The following CRY1 variants were observed in gnomAD, a reference collection of about 807,000 sequenced individuals.
The protein encoded by CRY1 is cryptochrome circadian regulator 1, also known as cryptochrome-1.
CRY1 carries 45 observed loss-of-function variants against 76.0 expected under a neutral mutation model. That is an observed-to-expected ratio of 0.59 (90% CI 0.47 to 0.76). The LOEUF (loss-of-function observed/expected upper bound fraction) is 0.76. Ranked by LOEUF, CRY1 falls within the 30% of genes least tolerant of loss-of-function variation. CRY1 has a pLI of 0.00. For synonymous variants in CRY1, 248 were observed against 244.0 expected (o/e 1.02, Z -0.15); for missense variants, 587 against 716.4 (o/e 0.82, Z 2.06).
chr12:107,047,584 TAAG>T (rs1013028777), intron 1 of CRY1, among the ~76,000 whole-genome samples: 30 of 152,264 alleles, frequency 2.0e-4, no homozygotes, highest in African/African-American at 6.7e-4. Context: ...GATGATTTTA[TAAG>T]AAGCTTCCCC....
Position 106,997,934 on chromosome 12 carries a change from G to C in CRY1, c.1270C>G (p.Pro424Ala). 6.2e-7 allele frequency: 1 copy of C among 1,613,960 alleles called. No individual in the cohort carries two copies. The highest frequency in any genetic ancestry group is 8.5e-7 in the Non-Finnish European group (1 of 1,179,946). The change falls in exon 8 of 13, where the codon CCC (proline) becomes GCC (alanine). Residue 424 changes from proline to alanine, a missense_variant. Transcript: ENST00000008527. ...ATTTACCTGATATAGTCTCCATTGG[G>C]ATCTGTTCTCCTACCAAAACCAACA... ...CPVGFGRRTD[P>A]NGDYIRRYLP...
chr12:107,045,817 G>A (rs1003128011), intron 1 of CRY1, among the ~76,000 whole-genome samples: 18 of 152,038 alleles, frequency 1.2e-4, no homozygotes, highest in African/African-American at 4.3e-4. Flanking sequence ...TGTGGGGTGC[G>A]GGGAGCGGGG....
intron 7 of CRY1, among the ~76,000 whole-genome samples, chr12:106,998,659 A>AACACACACAC (rs10522970): frequency 0.021 from 2,973 of 143,382 alleles, 71 homozygotes; most frequent in African/African-American, 0.057. Context: ...TAAGAGATTA[A>AACACACACAC]ACACACACAC....
chr12:107,024,678 C>T (rs1244405258), intron 1 of CRY1, among the ~76,000 whole-genome samples: 1 of 152,066 alleles, frequency 6.6e-6, no homozygotes, highest in Admixed American at 6.5e-5. Context: ...CAGGCCTGGC[C>T]TTAATAAACA....
chr12:107,017,027 G>C (rs1952503976), intron 2 of CRY1, among the ~76,000 whole-genome samples: 1 of 152,108 alleles, frequency 6.6e-6, no homozygotes, highest in South Asian at 2.1e-4. Context: ...TGATCTTTCT[G>C]CTTCTGCCTC....
chr12:107,037,962 G>C lies in CRY1; in HGVS notation c.159-15770C>G, dbSNP rs143980735. Among the ~76,000 whole-genome samples, 302 of 152,214 alleles carry C rather than the reference G, an allele frequency of 2.0e-3. 1 individual carries two copies. Among genetic ancestry groups the C allele is most frequent in the African/African-American group, 6.6e-3 (276 of 41,556 alleles). ...AATCTCAAGCAATCCTTCTGCTTTG[G>C]CCTCCCAAAGCATTAGGATTACAGG... On this transcript the variant is annotated intron_variant, in intron 1 of 12. Transcript: ENST00000008527.
At chr12:107,050,868 G>A (rs1952910635) in intron 1 of CRY1, among the ~76,000 whole-genome samples, 1 of 151,842 alleles carries the variant, frequency 6.6e-6, no homozygotes, top group East Asian at 1.9e-4. Context: ...AGAAGGAGGG[G>A]GCAGCATGAA....
intron 1 of CRY1, among the ~76,000 whole-genome samples, chr12:107,056,601 C>T (rs1236201703): frequency 6.6e-6 from 1 of 151,458 alleles, no homozygotes. Context: ...TTAAGCTCAT[C>T]AGCTATCATT....
intron 2 of CRY1, among the ~76,000 whole-genome samples, chr12:107,019,943 C>G (rs905901299): frequency 6.6e-6 from 1 of 151,992 alleles, no homozygotes; most frequent in African/African-American, 2.4e-5. Context: ...AAAAAAAAGG[C>G]AACTCCACTT....
At chr12:107,075,542 C>T (rs899175320) in intron 1 of CRY1, among the ~76,000 whole-genome samples, 3 of 152,090 alleles carry the variant, frequency 2.0e-5, no homozygotes, top group Admixed American at 6.6e-5. Flanking sequence ...TATCAGTCTG[C>T]GGGTGTAATT....
intron 1 of CRY1, among the ~76,000 whole-genome samples, chr12:107,072,008 A>G (rs1344917834): frequency 6.6e-6 from 1 of 152,192 alleles, no homozygotes; most frequent in Non-Finnish European, 1.5e-5. Flanking sequence ...TACAAACAAA[A>G]AAAAGCATTG....
At chr12:107,015,888 G>A (rs146807540) in intron 2 of CRY1, among the ~76,000 whole-genome samples, 62 of 152,270 alleles carry the variant, frequency 4.1e-4, no homozygotes, top group African/African-American at 1.4e-3. Context: ...GTCTCACTAT[G>A]TTGCCCAGGC....
intron 1 of CRY1, among the ~76,000 whole-genome samples, chr12:107,064,443 C>G (rs1169681920): frequency 2.0e-5 from 3 of 152,064 alleles, no homozygotes; most frequent in Admixed American, 6.5e-5. Flanking sequence ...CTGACAAAAC[C>G]AAATGTTGAC....
intron 10 of CRY1, among the ~76,000 whole-genome samples, chr12:106,994,810 C>T (rs1952216046): frequency 6.6e-6 from 1 of 152,158 alleles, no homozygotes; most frequent in African/African-American, 2.4e-5. Context: ...AGCTTCTGTC[C>T]CTCACTCATG....
At chr12:107,081,860 A>G (rs1014007293) in intron 1 of CRY1, among the ~76,000 whole-genome samples, 4 of 152,034 alleles carry the variant, frequency 2.6e-5, no homozygotes, top group Non-Finnish European at 4.4e-5. Context: ...TATAGTTTAC[A>G]TATTTGTCCC....
chr12:107,001,711 A>G, intron 4 of CRY1, 53 bp downstream of exon 4: 1 of 1,414,848 alleles, frequency 7.1e-7, no homozygotes, highest in Admixed American at 2.7e-5. Context: ...TTTTCTGAGT[A>G]ATTTATGATT....
At chr12:107,056,047 T>A (rs1225754646) in intron 1 of CRY1, among the ~76,000 whole-genome samples, 1 of 152,092 alleles carries the variant, frequency 6.6e-6, no homozygotes, top group Non-Finnish European at 1.5e-5. Flanking sequence ...AAAAGCTAAG[T>A]CGAACATATA....
chr12:107,009,313 C>T (rs573654844), intron 2 of CRY1, among the ~76,000 whole-genome samples: 15 of 151,548 alleles, frequency 9.9e-5, no homozygotes, highest in African/African-American at 3.1e-4. Flanking sequence ...CTGAGGCAGG[C>T]GGATAGCCTG....
Position 107,056,510 on chromosome 12 carries a change from G to A in CRY1, c.159-34318C>T, listed in dbSNP as rs1335119882. ...TGGCCTGCGGGCTGCATGTGGCCCA[G>A]GTCAGCTTTGAATGTGGCCCAACAC... On this transcript the variant is annotated intron_variant, in intron 1 of 12. Transcript: ENST00000008527. 5.3e-5 allele frequency among the ~76,000 whole-genome samples: 8 copies of A among 152,066 alleles called. No individual in the cohort carries two copies. In the East Asian group the frequency reaches 1.5e-3, roughly 29 times the overall value.
Sources: allele counts gnomAD v4.1 joint callset (sites outside exome capture counted in the v4.1 genomes callset), GRCh38; gene constraint gnomAD v4.1.1; transcripts MANE v1.5; gene names NCBI Gene and HGNC (gene_info 2026-07-23, HGNC 2026-07-21).